MYO18B: variants seen among roughly 807,000 people sequenced by gnomAD.
MYO18B encodes the protein unconventional myosin-XVIIIb.
MYO18B carries 204 observed loss-of-function variants against 273.0 expected under a neutral mutation model. That is an observed-to-expected ratio of 0.75 (90% confidence interval 0.67 to 0.84). The LOEUF (loss-of-function observed/expected upper bound fraction) is 0.84. Ranked by LOEUF, MYO18B falls within the 40% of genes least tolerant of loss-of-function variation. The pLI is 0.00. For missense variants in MYO18B, 3,212 were observed against 3,287.6 expected, an observed-to-expected ratio of 0.98 and a Z score of 0.56; for synonymous variants, 1,330 against 1,305.7, an observed-to-expected ratio of 1.02 and a Z score of -0.40.
intron 39 of MYO18B, among the ~76,000 whole-genome samples, chr22:25,956,630 C>A (rs889718513): frequency 6.6e-6 from 1 of 152,242 alleles, no homozygotes; most frequent in Middle Eastern, 3.4e-3. Context: ...AGTGACTGTT[C>A]CACTTTTTCT....
rs1026099480 is a variant in MYO18B, at chr22:25,833,319, G to A, written c.3060+322G>A. Reference sequence around the variant, plus strand: ...AAAGTGAGTTCAGGGCTCATGGCCAGAGGCCACCAGCCACTCTGGCCTGGA... The same window carrying A: ...AAAGTGAGTTCAGGGCTCATGGCCAAAGGCCACCAGCCACTCTGGCCTGGA... On this transcript the variant is annotated intron_variant, in intron 16 of 43. Transcript: ENST00000335473. Among the ~76,000 whole-genome samples the A allele has an allele frequency of 2.6e-5, 4 of 152,330 alleles. No homozygotes were observed. The South Asian group carries it at 6.2e-4, about 24-fold the overall frequency.
rs575050821 is a variant in MYO18B at position 25,951,752 on chromosome 22, C to T, written c.5833-534C>T. Among the ~76,000 whole-genome samples the T allele has an allele frequency of 9.9e-5, 15 of 152,284 alleles. No individual in the cohort carries two copies. In the South Asian group the frequency reaches 1.2e-3, roughly 13 times the overall value. The stretch of plus-strand genomic sequence containing the variant: ...TTCCTATGGGTGCTGGATAACAACA[C>T]GCACAACAAATGGAACAGCAGCAGT... On this transcript the variant is annotated intron_variant, in intron 37 of 43. Coordinates refer to ENST00000335473, the MANE Select transcript of MYO18B (RefSeq NM_032608.7).
At chr22:26,036,269 C>T in the MYO18B span, among the ~76,000 whole-genome samples, 8 of 152,322 alleles carry the variant, frequency 5.3e-5, no homozygotes, top group East Asian at 1.5e-3. Flanking sequence ...AGGCAGCTCC[C>T]TTCAGAGCAT....
the MYO18B span, among the ~76,000 whole-genome samples, chr22:26,044,763 T>G: frequency 6.6e-6 from 1 of 152,218 alleles, no homozygotes; most frequent in Non-Finnish European, 1.5e-5. Context: ...AAACAGCAAC[T>G]GTAGCCAGGA....
At chr22:25,988,139 C>T (rs938072848) in intron 39 of MYO18B, among the ~76,000 whole-genome samples, 11 of 151,850 alleles carry the variant, frequency 7.2e-5, no homozygotes, top group African/African-American at 2.7e-4. Flanking sequence ...GGCACTGGCT[C>T]ACTTCCCCTT....
chr22:25,781,869 C>T lies in MYO18B; in HGVS notation c.2312+35C>T, dbSNP rs779721758. The T allele has an allele frequency of 5.0e-6, 7 of 1,404,150 alleles. No homozygotes were observed. In the Admixed American group the frequency reaches 1.7e-4, roughly 33 times the overall value. 87.0% of individuals were successfully genotyped at this position (1,404,150 alleles called of 1,614,324 possible). The stretch of plus-strand genomic sequence containing the variant: ...TGGGGCAGGAAGAGACAGCTGAGGG[C>T]AGTGCGACAAAGGGCACATGTTCTT... On this transcript the variant is annotated intron_variant, in intron 10 of 43. Coordinates refer to ENST00000335473, the MANE Select transcript of MYO18B (RefSeq NM_032608.7).
chr22:25,775,552 C>G (rs926371550), intron 7 of MYO18B, among the ~76,000 whole-genome samples: 3 of 152,168 alleles, frequency 2.0e-5, no homozygotes, highest in Non-Finnish European at 4.4e-5. Flanking sequence ...AACCTCCTGC[C>G]CTCTTCCCTC....
intron 36 of MYO18B, among the ~76,000 whole-genome samples, chr22:25,948,439 C>CTTTCTTTCTTTCTTTCT: frequency 9.4e-6 from 1 of 106,356 alleles, no homozygotes; most frequent in Non-Finnish European, 1.9e-5. Flanking sequence ...TCCTTCCTTC[C>CTTTCTTTCTTTCTTTCT]TTCCTTCCTT....
chr22:25,983,036 G>A (rs894012813), intron 39 of MYO18B, among the ~76,000 whole-genome samples: 1 of 152,162 alleles, frequency 6.6e-6, no homozygotes, highest in Non-Finnish European at 1.5e-5. Flanking sequence ...GTACAGAATA[G>A]GGATCTGTAA....
At chr22:26,035,948 G>T (rs1192310052), downstream of MYO18B, among the ~76,000 whole-genome samples, 1 of 152,192 alleles carries the variant, frequency 6.6e-6, no homozygotes, top group African/African-American at 2.4e-5. Flanking sequence ...AAGTTTCAGA[G>T]GCCCTCTCCA....
chr22:26,004,474 A>C (rs1480009166), intron 41 of MYO18B, among the ~76,000 whole-genome samples: 1 of 152,250 alleles, frequency 6.6e-6, no homozygotes, highest in African/African-American at 2.4e-5. Flanking sequence ...CAGGGTTTGC[A>C]TCCCAATTTC....
At chr22:26,053,816 T>A in the MYO18B span, among the ~76,000 whole-genome samples, 699 of 152,198 alleles carry the variant, frequency 4.6e-3, 8 homozygotes, top group African/African-American at 0.016. Flanking sequence ...CCGGACTAGC[T>A]ATGAAGGAAT....
At chr22:26,037,038 G>A in the MYO18B span, among the ~76,000 whole-genome samples, 4 of 152,186 alleles carry the variant, frequency 2.6e-5, no homozygotes, top group East Asian at 7.7e-4. Context: ...AACACCATGG[G>A]CTAAACTTGC....
At position 25,768,523 on chromosome 22, in the gene MYO18B, C is replaced by G; in HGVS notation, c.607C>G (p.Gln203Glu). 1 of 1,563,574 alleles carries G rather than the reference C, an allele frequency of 6.4e-7. No homozygotes were observed. Among genetic ancestry groups the G allele is most frequent in the Non-Finnish European group, 8.6e-7 (1 of 1,157,288 alleles). ...GETSRTPCGSQASTEILAPKA... is the reference protein window; with the variant it reads ...GETSRTPCGSEASTEILAPKA... ...GACCTCTAGGACTCCTTGTGGCTCC[C>G]AGGCCAGCACCGAGATCTTGGCCCC... is the stretch of plus-strand genomic sequence containing the variant. The change falls in exon 4 of 44, where the codon CAG becomes GAG. Residue 203 changes from glutamine (Q) to glutamate (E), a missense_variant. Gln to Glu is a conservative substitution (Grantham distance 29). Coordinates refer to ENST00000335473, the MANE Select transcript of MYO18B (RefSeq NM_032608.7).
chr22:25,847,933 G>A (rs2146025874), intron 20 of MYO18B, among the ~76,000 whole-genome samples: 1 of 128,688 alleles, frequency 7.8e-6, no homozygotes, highest in East Asian at 2.9e-4. Flanking sequence ...TATTTCTTCT[G>A]AAAACACACA....
At chr22:25,829,443 T>G (rs1437353599) in intron 15 of MYO18B, among the ~76,000 whole-genome samples, 1 of 150,720 alleles carries the variant, frequency 6.6e-6, no homozygotes, top group Non-Finnish European at 1.5e-5. Context: ...ATTCCTCTTC[T>G]AGGAGGCACC....
At chr22:25,745,178 C>T (rs1341304176) in intron 1 of MYO18B, among the ~76,000 whole-genome samples, 2 of 152,124 alleles carry the variant, frequency 1.3e-5, no homozygotes, top group African/African-American at 2.4e-5. Context: ...GGCCCAATCT[C>T]GGCTCACTGC....
At chr22:25,804,875 A>G (rs765817363) in intron 12 of MYO18B, among the ~76,000 whole-genome samples, 1 of 152,168 alleles carries the variant, frequency 6.6e-6, no homozygotes, top group Non-Finnish European at 1.5e-5. Context: ...ATGATGGAAG[A>G]CCGTGGGCAT....
intron 15 of MYO18B, among the ~76,000 whole-genome samples, chr22:25,832,177 G>T (rs957528632): frequency 6.6e-6 from 1 of 152,092 alleles, no homozygotes; most frequent in Admixed American, 6.5e-5. Flanking sequence ...TAGTGCAGCC[G>T]CTGTGGAAAA....
Sources: gnomAD v4.1 joint callset for allele counts (sites outside exome capture counted in the v4.1 genomes callset) on GRCh38, gnomAD v4.1.1 for gene constraint, MANE v1.5 for transcripts, NCBI Gene and HGNC (gene_info 2026-07-23, HGNC 2026-07-21) for gene names.